The following GRIN3A variants were observed in gnomAD, a reference collection of about 807,000 sequenced individuals.
The protein encoded by GRIN3A is glutamate ionotropic receptor NMDA type subunit 3A.
In GRIN3A, 47 loss-of-function variants were observed where a neutral mutation model predicts 92.4. The observed-to-expected ratio is 0.51, with a 90% CI of 0.40 to 0.65. The LOEUF (loss-of-function observed/expected upper bound fraction) is 0.65, where lower values mean the gene tolerates loss of function less well. Among genes scored for constraint, GRIN3A ranks in the 30% least tolerant of loss-of-function variants. The probability of loss-of-function intolerance (pLI) is 0.00; values close to 1 mark genes in which losing one functional copy is unlikely to be tolerated. For synonymous variants in GRIN3A, 527 were observed against 540.6 expected (o/e 0.97, Z 0.35); for missense variants, 1,324 against 1,393.1 (o/e 0.95, Z 0.79).
At chr9:101,732,188 A>G (rs1320207436) in intron 1 of GRIN3A, among the ~76,000 whole-genome samples, 1 of 152,204 alleles carries the variant, frequency 6.6e-6, no homozygotes, top group Non-Finnish European at 1.5e-5. Context: ...CCATGATGAG[A>G]TAAGGAGCTT....
rs975679543 is a variant in GRIN3A, at chr9:101,737,939, C to G, written c.41G>C (p.Cys14Ser). 6.5e-7 allele frequency: 1 copy of G among 1,538,016 alleles called. No homozygotes were observed. The highest frequency in any genetic ancestry group is 1.9e-5 in the Admixed American group (1 of 51,690). ...TGCGCAGGGCGGCGGCAACAGCAGA[C>G]AGACCCTGCTCAGCAGCCACCACAA... ...LSLWWLLSRV[C>S]LLLPPPCALV... Residue 14 changes from cysteine (C) to serine (S), a missense_variant, in exon 1 of 9, where the codon TGT becomes TCT. Transcript: ENST00000361820.
At chr9:101,680,675 T>C (rs1422744415) in intron 2 of GRIN3A, among the ~76,000 whole-genome samples, 1 of 152,192 alleles carries the variant, frequency 6.6e-6, no homozygotes, top group Non-Finnish European at 1.5e-5. Context: ...TAGATGAGCA[T>C]GTCTTCTCCT....
intron 3 of GRIN3A, among the ~76,000 whole-genome samples, chr9:101,632,071 C>A (rs1271986882): frequency 6.6e-6 from 1 of 152,196 alleles, no homozygotes; most frequent in Non-Finnish European, 1.5e-5. Context: ...TCCTGCTCTC[C>A]CCCTGGCCTT....
chr9:101,657,623 G>T (rs534126388), intron 3 of GRIN3A, among the ~76,000 whole-genome samples: 12 of 152,034 alleles, frequency 7.9e-5, no homozygotes, highest in Middle Eastern at 3.4e-3. Flanking sequence ...GCTTCATTTG[G>T]AGATGTCTAA....
rs955815647 is a variant in GRIN3A, at chr9:101,586,394, AT to A, written c.2767-7035del. Among the ~76,000 whole-genome samples, 121 of 152,272 alleles carry A rather than the reference AT, an allele frequency of 7.9e-4. 1 individual carries two copies. The highest frequency in any genetic ancestry group is 2.6e-3 in the African/African-American group (110 of 41,554). ...TGAATGAAAGCATATGAAAACTAGG[AT>A]TTTTTGTATAAAATAAATTTGCATA... is the stretch of plus-strand genomic sequence containing the variant. On this transcript the variant is annotated intron_variant, in intron 6 of 8. Coordinates refer to ENST00000361820, the MANE Select transcript of GRIN3A (RefSeq NM_133445.3).
chr9:101,617,041 A>G (rs567526288), intron 5 of GRIN3A, among the ~76,000 whole-genome samples: 1 of 151,032 alleles, frequency 6.6e-6, no homozygotes, highest in Admixed American at 6.6e-5. Context: ...TCTACTAAAA[A>G]TACAAAAAAT....
At chr9:101,668,126 A>G (rs1829266824) in intron 3 of GRIN3A, among the ~76,000 whole-genome samples, 1 of 152,120 alleles carries the variant, frequency 6.6e-6, no homozygotes, top group Non-Finnish European at 1.5e-5. Context: ...ATTCTGGTAG[A>G]GTCAGAGATG....
intron 8 of GRIN3A, among the ~76,000 whole-genome samples, chr9:101,575,601 G>C (rs1827815566): frequency 6.6e-6 from 1 of 152,092 alleles, no homozygotes; most frequent in South Asian, 2.1e-4. Context: ...AATGAGAAAG[G>C]GACAATACCT....
chr9:101,725,114 A>G (rs541937769), intron 1 of GRIN3A, among the ~76,000 whole-genome samples: 23 of 152,296 alleles, frequency 1.5e-4, no homozygotes, highest in Middle Eastern at 3.4e-3. Context: ...GTAGTGAGTC[A>G]TTGTTATTAA....
intron 2 of GRIN3A, among the ~76,000 whole-genome samples, chr9:101,682,998 C>T (rs1365048064): frequency 6.6e-6 from 1 of 152,112 alleles, no homozygotes; most frequent in Non-Finnish European, 1.5e-5. Context: ...AAAAACAAAA[C>T]AAAACAAAAC....
At chr9:101,628,526 A>T in intron 3 of GRIN3A, 125 bp from the exon 4 acceptor site, 1 of 879,846 alleles carries the variant, frequency 1.1e-6, no homozygotes, top group East Asian at 2.6e-5. Context: ...ACAGGCAGAA[A>T]CATGTACATA....
At chr9:101,603,483 C>T (rs780088031) in intron 6 of GRIN3A, among the ~76,000 whole-genome samples, 3 of 152,138 alleles carry the variant, frequency 2.0e-5, no homozygotes, top group African/African-American at 4.8e-5. Context: ...GCACAGCTTG[C>T]GTAGACACAC....
In GRIN3A at chr9:101,670,101, C is replaced by G. The variant is rs1388821911; in HGVS notation, c.2311G>C (p.Glu771Gln). The G allele has an allele frequency of 6.2e-7, 1 of 1,613,828 alleles. No homozygotes were observed. Among genetic ancestry groups the G allele is most frequent in the South Asian group, 1.1e-5 (1 of 91,058 alleles). The change falls in exon 3 of 9, where the codon GAG becomes CAG. Residue 771 changes from glutamate to glutamine, a missense_variant. Physicochemically the swap from Glu to Gln is conservative, Grantham distance 29 (BLOSUM62 2). Transcript: ENST00000361820. ...CCAGAAAGCTCTTCATAGATCTTCT[C>G]ACCTACCATGACAGCAGCCAAGTTT... ...TANLAAVMVG[E>Q]KIYEELSGIH...
rs752388117 is a variant in GRIN3A, at chr9:101,733,853, CT to C, written c.699+3427del. ...AGTGTTGAAAATAGTAGTGGGATCA[CT>C]TTTTTTTTTAATTAAAAAATTTTTT... On this transcript the variant is annotated intron_variant, in intron 1 of 8. Coordinates refer to ENST00000361820, the MANE Select transcript of GRIN3A (RefSeq NM_133445.3). Among the ~76,000 whole-genome samples, 462 of 149,056 alleles carry C rather than the reference CT, an allele frequency of 3.1e-3. 1 individual carries two copies. The highest frequency in any genetic ancestry group is 0.01 in the African/African-American group (421 of 40,634).
intron 6 of GRIN3A, among the ~76,000 whole-genome samples, chr9:101,587,673 A>G (rs1433588728): frequency 6.6e-6 from 1 of 152,258 alleles, no homozygotes; most frequent in Non-Finnish European, 1.5e-5. Flanking sequence ...TGTATTTTTC[A>G]GTGACCTAAT....
At chr9:101,610,748 G>C (rs1828354912) in intron 6 of GRIN3A, among the ~76,000 whole-genome samples, 1 of 152,222 alleles carries the variant, frequency 6.6e-6, no homozygotes, top group East Asian at 1.9e-4. Flanking sequence ...TAATATAAAG[G>C]ATTCAGCTGA....
At chr9:101,628,528 A>G (rs1828667991) in intron 3 of GRIN3A, 127 bp from the exon 4 acceptor site, 1 of 868,598 alleles carries the variant, frequency 1.2e-6, no homozygotes. Flanking sequence ...AGGCAGAAAC[A>G]TGTACATAGA....
At chr9:101,600,512 C>T (rs1223945679) in intron 6 of GRIN3A, among the ~76,000 whole-genome samples, 2 of 152,060 alleles carry the variant, frequency 1.3e-5, no homozygotes, top group African/African-American at 4.8e-5. Context: ...ATGAGAAGTA[C>T]ATGGTACCAG....
rs761191544 is a variant in GRIN3A at position 101,670,682 on chromosome 9, T to C, written c.1730A>G (p.Tyr577Cys). ...TTCCAGCAGATCAATGCAATATCCATAGCAGCACTTCTTGAATTTAATGGG... is the reference window on the plus strand; with the variant it reads ...TTCCAGCAGATCAATGCAATATCCACAGCAGCACTTCTTGAATTTAATGGG... ...TVPIKFKKCC[Y>C]GYCIDLLEKI... The change falls in exon 3 of 9, where the codon TAT becomes TGT. Residue 577 changes from tyrosine to cysteine, a missense_variant. By Grantham distance (194) the Tyr-to-Cys change is radical. Coordinates refer to ENST00000361820, the MANE Select transcript of GRIN3A (RefSeq NM_133445.3). The C allele has an allele frequency of 1.7e-5, 27 of 1,613,932 alleles. No homozygotes were observed. The highest frequency in any genetic ancestry group is 2.3e-5 in the Non-Finnish European group (27 of 1,179,964).
Sources: gnomAD v4.1 joint callset for allele counts (sites outside exome capture counted in the v4.1 genomes callset) on GRCh38, gnomAD v4.1.1 for gene constraint, MANE v1.5 for transcripts, NCBI Gene and HGNC (gene_info 2026-07-23, HGNC 2026-07-21) for gene names.